The following LMF1 variants were observed in gnomAD, a reference collection of about 807,000 sequenced individuals.
The protein encoded by LMF1 is lipase maturation factor 1, also known as transmembrane protein 112.
A neutral mutation model predicts 60.6 loss-of-function variants in LMF1; 68 were observed. The ratio of observed to expected loss-of-function variants is 1.12; its 90% CI spans 0.92 to 1.37. The LOEUF is 1.37. Ranked by LOEUF, LMF1 falls within the 40% of genes most tolerant of loss-of-function variation. The probability of loss-of-function intolerance (pLI) is 0.00; values close to 1 mark genes in which losing one functional copy is unlikely to be tolerated. For synonymous variants in LMF1, 418 were observed against 324.7 expected (o/e 1.29, Z -3.09); for missense variants, 948 against 767.2 (o/e 1.24, Z -2.78).
intron 6 of LMF1, chr16:873,608 AGGACATGCCTGTTCGCGGGGAC>A (rs2151705334): frequency 5.0e-5 from 2 of 40,082 alleles, no homozygotes; most frequent in Admixed American, 4.1e-4. Flanking sequence ...CCCTCCGCCG[AGGACATGCCTGTTCGCGGGGAC>A]CCTCCGCCGA....
At chr16:967,673 G>A (rs1020566259) in intron 1 of LMF1, among the ~76,000 whole-genome samples, 2 of 152,238 alleles carry the variant, frequency 1.3e-5, no homozygotes, top group African/African-American at 4.8e-5. Context: ...ACCACCTCGG[G>A]CAGCCTCGGT....
chr16:958,618 G>C (rs2072756028), intron 1 of LMF1, among the ~76,000 whole-genome samples: 1 of 152,182 alleles, frequency 6.6e-6, no homozygotes, highest in African/African-American at 2.4e-5. Flanking sequence ...CGGGCGCGGT[G>C]GCTCATGCCT....
chr16:906,426 C>A (rs1336447603), intron 4 of LMF1, among the ~76,000 whole-genome samples: 4 of 152,180 alleles, frequency 2.6e-5, no homozygotes, highest in Admixed American at 6.5e-5. Flanking sequence ...ATAAAGCAGG[C>A]AGAAAAAGGA....
intron 3 of LMF1, among the ~76,000 whole-genome samples, chr16:911,360 T>A (rs2071107543): frequency 6.6e-6 from 1 of 152,078 alleles, no homozygotes; most frequent in Non-Finnish European, 1.5e-5. Context: ...GTCCGCCACC[T>A]GCCACCCTGC....
In LMF1 at chr16:931,535, G is replaced by A. The variant is rs184339348; in HGVS notation, c.514+2709C>T. 1.5e-3 allele frequency: 1,442 copies of A among 957,220 alleles called. 4 individuals carry two copies. The highest frequency in any genetic ancestry group is 8.5e-3 in the Middle Eastern group (19 of 2,224). 59.3% of individuals were successfully genotyped at this position (957,220 alleles called of 1,614,324 possible). On this transcript the variant is annotated intron_variant, in intron 3 of 10. Transcript: ENST00000262301. ...AAACTGCATTCTCCCAGGCCGTCCC[G>A]AACGAGGCCACAGGAAAGGAGCCTC... is the stretch of plus-strand genomic sequence containing the variant.
chr16:951,359 C>G (rs3852753), intron 2 of LMF1, among the ~76,000 whole-genome samples: 61,065 of 151,932 alleles, frequency 0.4, 14,455 homozygotes, highest in African/African-American at 0.66. Context: ...GAGTCAGAGC[C>G]AACGATGGAG....
Position 871,146 on chromosome 16 carries a change from A to G in LMF1, c.1078+15T>C, listed in dbSNP as rs1242395121. ...CTCCTGCCCTTGGGCAGGGGCCCCC[A>G]GCTGAGCCACCTACCGAATCTGGGC... is the stretch of plus-strand genomic sequence containing the variant. On this transcript the variant is annotated intron_variant, in intron 7 of 10. Transcript: ENST00000262301. 3 of 1,562,698 alleles carry G rather than the reference A, an allele frequency of 1.9e-6. No homozygotes were observed. The highest frequency in any genetic ancestry group is 2.4e-5 in the South Asian group (2 of 84,032).
rs1442785078 is a variant in LMF1 at position 954,503 on chromosome 16, C to G, written c.357G>C (p.Trp119Cys). 4 of 1,612,788 alleles carry G rather than the reference C, an allele frequency of 2.5e-6. No homozygotes were observed. The highest frequency in any genetic ancestry group is 1.7e-5 in the Admixed American group (1 of 59,834). The change falls in exon 2 of 11, where the codon TGG (tryptophan) becomes TGC (cysteine). Residue 119 changes from tryptophan to cysteine, a missense_variant. Transcript: ENST00000262301. The part of the protein sequence containing the change: ...YMPTILWLMD[W>C]SDMNSNLDLL... ...AGTCCAGGTTGGAGTTCATGTCTGA[C>G]CAGTCCATCAGCCAGAGGATGGTGG...
At chr16:910,867 A>G in intron 4 of LMF1, 64 bp downstream of exon 4, 1 of 1,594,906 alleles carries the variant, frequency 6.3e-7, no homozygotes, top group Non-Finnish European at 8.6e-7. Flanking sequence ...CCTCTCCTAG[A>G]AGCCTCACAG....
intron 2 of LMF1, among the ~76,000 whole-genome samples, chr16:940,672 G>A (rs563386594): frequency 6.6e-6 from 1 of 152,370 alleles, no homozygotes; most frequent in African/African-American, 2.4e-5. Context: ...ACTGGAAAAT[G>A]AGTGGGAGAC....
intron 3 of LMF1, among the ~76,000 whole-genome samples, chr16:917,338 A>G (rs76560607): frequency 0.12 from 8,703 of 73,258 alleles, 1,102 homozygotes; most frequent in African/African-American, 0.31. Context: ...ACATGTGTGC[A>G]CTGCGGGTGG....
intron 2 of LMF1, among the ~76,000 whole-genome samples, chr16:951,223 C>CCAA (rs1287078489): frequency 1.4e-5 from 2 of 142,474 alleles, no homozygotes; most frequent in South Asian, 4.3e-4. Flanking sequence ...ACAGAGTCAG[C>CCAA]TGACAGAGTC....
intron 4 of LMF1, among the ~76,000 whole-genome samples, chr16:893,657 T>C (rs2070562264): frequency 6.6e-6 from 1 of 151,998 alleles, no homozygotes; most frequent in Non-Finnish European, 1.5e-5. Flanking sequence ...AGGTGGGACT[T>C]GGGCAGAGAG....
intron 5 of LMF1, among the ~76,000 whole-genome samples, chr16:882,584 C>T (rs916697461): frequency 6.6e-6 from 1 of 152,246 alleles, no homozygotes; most frequent in Non-Finnish European, 1.5e-5. Context: ...AGCAGAAGAG[C>T]CACCCAGGGG....
chr16:950,840 G>T (rs868338838), intron 2 of LMF1, among the ~76,000 whole-genome samples: 3 of 136,210 alleles, frequency 2.2e-5, no homozygotes, highest in African/African-American at 8.8e-5. Context: ...GTCAGCCAAT[G>T]ACAGAGTCAG....
intron 1 of LMF1, among the ~76,000 whole-genome samples, chr16:960,169 G>C (rs1443717658): frequency 2.6e-5 from 4 of 152,250 alleles, no homozygotes; most frequent in African/African-American, 9.6e-5. Context: ...GGCTGGGGCA[G>C]AGAAACAGAA....
rs531417035 is a variant in LMF1 at position 897,524 on chromosome 16, C to T, written c.664-4452G>A. On this transcript the variant is annotated intron_variant, in intron 4 of 10. Coordinates refer to ENST00000262301, the MANE Select transcript of LMF1 (RefSeq NM_022773.4). The surrounding 1 kb of genome is among the most constrained non-coding windows in gnomAD (Gnocchi z 4.3). ...TGTAAACACAGGGAATTACTCGCGA[C>T]AGGTCCTGCCTCCGCAGGAGAGACT... Among the ~76,000 whole-genome samples, 12 of 152,320 alleles carry T rather than the reference C, an allele frequency of 7.9e-5. No individual in the cohort carries two copies. Among genetic ancestry groups the T allele is most frequent in the African/African-American group, 2.9e-4 (12 of 41,568 alleles).
chr16:889,072 C>G (rs1328763891), intron 5 of LMF1, among the ~76,000 whole-genome samples: 2 of 152,330 alleles, frequency 1.3e-5, no homozygotes, highest in Middle Eastern at 6.8e-3. Flanking sequence ...CCTGCGGGGT[C>G]TGCACTCACC....
At chr16:883,251 A>G (rs1450210223) in intron 5 of LMF1, among the ~76,000 whole-genome samples, 1 of 149,506 alleles carries the variant, frequency 6.7e-6, no homozygotes, top group Non-Finnish European at 1.5e-5. Context: ...AGCCTATCAC[A>G]GGACCAGGAG....
Sources: gnomAD v4.1 joint callset for allele counts (sites outside exome capture counted in the v4.1 genomes callset) on GRCh38, gnomAD v4.1.1 for gene constraint, Gnocchi (gnomAD v3.1) non-coding constraint, MANE v1.5 for transcripts, NCBI Gene and HGNC (gene_info 2026-07-23, HGNC 2026-07-21) for gene names.